ARVCF: variants seen among roughly 807,000 people sequenced by gnomAD.
The protein encoded by ARVCF is ARVCF delta catenin family member.
A neutral mutation model predicts 90.9 loss-of-function variants in ARVCF; 66 were observed. The observed-to-expected ratio is 0.73, with a 90% CI of 0.60 to 0.89. The LOEUF is 0.89. Ranked by LOEUF, ARVCF falls within the 40% of genes least tolerant of loss-of-function variation. The pLI, the probability that ARVCF is intolerant of heterozygous loss-of-function variation, is 0.00. For missense variants in ARVCF, 1,469 were observed against 1,382.3 expected, an observed-to-expected ratio of 1.06 and a Z score of -1.00; for synonymous variants, 653 against 603.4, an observed-to-expected ratio of 1.08 and a Z score of -1.21.
chr22:20,001,651 A>T (rs996859288), intron 2 of ARVCF, among the ~76,000 whole-genome samples: 3 of 152,056 alleles, frequency 2.0e-5, no homozygotes, highest in African/African-American at 7.2e-5. Context: ...TAAAGATACA[A>T]ACAAAATTAG....
chr22:19,968,827 C>A, downstream of ARVCF: 1 of 1,283,916 alleles, frequency 7.8e-7, no homozygotes, highest in East Asian at 2.5e-5. Context: ...CGGCTCCGGG[C>A]TGTGTCCTAA....
chr22:19,987,594 G>C (rs896760332), intron 3 of ARVCF, among the ~76,000 whole-genome samples: 1 of 152,108 alleles, frequency 6.6e-6, no homozygotes, highest in Non-Finnish European at 1.5e-5. Context: ...CAGAGCACAA[G>C]GCCTCCCTCA....
At chr22:19,965,721 G>C (rs1036576239), downstream of ARVCF, 1 of 152,110 alleles carries the variant, frequency 6.6e-6, no homozygotes, top group Admixed American at 6.5e-5. Context: ...TGTGGAGAGG[G>C]CTGTGGGGAG....
rs891630179 is a variant in ARVCF at position 19,970,020 on chromosome 22, C to T, written c.*736G>A. ...TCTTCTGTTTCTGAGTCACGAACAG[C>T]AGGCACTGAAAGCAGTCCCCCAGCC... is the stretch of plus-strand genomic sequence containing the variant. On this transcript the variant is annotated 3_prime_UTR_variant, in exon 20 of 20. Coordinates refer to ENST00000263207, the MANE Select transcript of ARVCF (RefSeq NM_001670.3). The T allele has an allele frequency of 9.1e-6, 9 of 985,646 alleles. No individual in the cohort carries two copies. The highest frequency in any genetic ancestry group is 1.1e-5 in the Non-Finnish European group (9 of 829,934). 61.1% of individuals were successfully genotyped at this position (985,646 alleles called of 1,614,324 possible). A position where few individuals can be genotyped will look rare whatever the true frequency, so the allele number is the denominator to read the frequency against.
chr22:19,978,903 C>A lies in ARVCF; in HGVS notation c.1574G>T (p.Cys525Phe), dbSNP rs765501503. ...CACCAGGTCTGGTCCACACCTCAGGCAGCCCGACGTGTTCTTGAAGACAGT... is the reference window on the plus strand; with the variant it reads ...CACCAGGTCTGGTCCACACCTCAGGAAGCCCGACGTGTTCTTGAAGACAGT... Reference protein sequence around the residue: ...WTTVFKNTSGCLRNVSSDGAE... With the variant: ...WTTVFKNTSGFLRNVSSDGAE... Residue 525 changes from cysteine (C) to phenylalanine (F), a missense_variant, in exon 7 of 20, where the codon TGC (cysteine) becomes TTC (phenylalanine). Physicochemically the swap from Cys to Phe is radical, Grantham distance 205. Transcript: ENST00000263207. 1 of 1,609,916 alleles carries A rather than the reference C, an allele frequency of 6.2e-7. No homozygotes were observed. Among genetic ancestry groups the A allele is most frequent in the Non-Finnish European group, 8.5e-7 (1 of 1,177,800 alleles).
chr22:19,973,888 C>G, intron 12 of ARVCF, 95 bp from the exon 13 acceptor site: 1 of 1,518,160 alleles, frequency 6.6e-7, no homozygotes, highest in Non-Finnish European at 8.8e-7. Context: ...CCTTCCTGCT[C>G]CCGTGCCCGA....
chr22:19,978,476 C>T (rs1354086428), intron 7 of ARVCF, among the ~76,000 whole-genome samples: 2 of 152,216 alleles, frequency 1.3e-5, no homozygotes, highest in Non-Finnish European at 2.9e-5. Context: ...TGCGCGGGAA[C>T]ACCCTGATGG....
At chr22:20,012,411 C>G (rs776851631) in intron 1 of ARVCF, among the ~76,000 whole-genome samples, 2 of 152,204 alleles carry the variant, frequency 1.3e-5, no homozygotes, top group Non-Finnish European at 2.9e-5. Flanking sequence ...GAGCTCTGGG[C>G]AGTGGACGGA....
intron 2 of ARVCF, among the ~76,000 whole-genome samples, chr22:19,995,159 T>C (rs75767932): frequency 0.07 from 10,623 of 151,758 alleles, 495 homozygotes; most frequent in Middle Eastern, 0.1. Context: ...TGAACAAGTG[T>C]GTGGACAGGA....
At chr22:19,975,182 T>C (rs1484549160) in intron 11 of ARVCF, among the ~76,000 whole-genome samples, 1 of 152,084 alleles carries the variant, frequency 6.6e-6, no homozygotes, top group Non-Finnish European at 1.5e-5. Flanking sequence ...ACATGCAGGC[T>C]CTTCCAACTG....
At chr22:19,994,661 T>C (rs1277643722) in intron 2 of ARVCF, among the ~76,000 whole-genome samples, 1 of 35,288 alleles carries the variant, frequency 2.8e-5, no homozygotes, top group Non-Finnish European at 4.9e-5. Flanking sequence ...GATGAATGGA[T>C]GGATGGGTGG....
At chr22:19,970,891 A>T in intron 19 of ARVCF, 148 bp from the exon 20 acceptor site, 1 of 1,115,490 alleles carries the variant, frequency 9.0e-7, no homozygotes, top group Non-Finnish European at 1.2e-6. Flanking sequence ...GGCTGACCCC[A>T]AGGGTCTTGG....
intron 11 of ARVCF, among the ~76,000 whole-genome samples, chr22:19,974,776 C>T (rs1943057362): frequency 6.6e-6 from 1 of 152,062 alleles, no homozygotes; most frequent in Admixed American, 6.6e-5. Context: ...CTCTGTAAGT[C>T]AACTGATGCA....
At chr22:19,986,982 G>A (rs1220971968) in intron 3 of ARVCF, 2 of 633,428 alleles carry the variant, frequency 3.2e-6, no homozygotes, top group Admixed American at 5.1e-5. Flanking sequence ...CGGCTCCGCG[G>A]AACAAAAGCG....
chr22:19,992,535 T>G (rs1944068017), intron 2 of ARVCF, among the ~76,000 whole-genome samples: 1 of 152,072 alleles, frequency 6.6e-6, no homozygotes. Flanking sequence ...GTGGGAATGG[T>G]AGGGTATTCC....
At chr22:19,998,147 C>T (rs973495425) in intron 2 of ARVCF, among the ~76,000 whole-genome samples, 3 of 152,262 alleles carry the variant, frequency 2.0e-5, no homozygotes, top group Non-Finnish European at 2.9e-5. Context: ...AGACAGCTGT[C>T]CACCAGGCTG....
intron 2 of ARVCF, among the ~76,000 whole-genome samples, chr22:19,997,239 G>A (rs1028085020): frequency 1.6e-4 from 25 of 152,166 alleles, no homozygotes; most frequent in Non-Finnish European, 2.9e-4. Flanking sequence ...TCTAGTGGCC[G>A]AACGAGCCCA....
rs1331300125 is a variant in ARVCF, at chr22:19,973,257, G to T, written c.2300C>A (p.Pro767Gln). Residue 767 changes from proline to glutamine, a missense_variant, in exon 14 of 20, where the codon CCG becomes CAG. Transcript: ENST00000263207. Reference sequence around the variant, plus strand: ...GGTGTCTTCCTCCAGGCAGGCCCCCGGTCGCGGCGGAGCCTGTGCATTGCG... The same window carrying T: ...GGTGTCTTCCTCCAGGCAGGCCCCCTGTCGCGGCGGAGCCTGTGCATTGCG... ...NVRNAQAPPRPGACLEEDTVV... is the reference protein window; with the variant it reads ...NVRNAQAPPRQGACLEEDTVV... The T allele has an allele frequency of 1.2e-6, 2 of 1,609,188 alleles. No homozygotes were observed. Among genetic ancestry groups the T allele is most frequent in the Non-Finnish European group, 1.7e-6 (2 of 1,178,850 alleles).
chr22:19,967,310 G>T, downstream of ARVCF: 2 of 927,916 alleles, frequency 2.2e-6, no homozygotes, highest in Non-Finnish European at 3.1e-6. Context: ...CTGGAAGGCA[G>T]CCGCCCTGCT....
Sources: gnomAD v4.1 joint callset for allele counts (sites outside exome capture counted in the v4.1 genomes callset) on GRCh38, gnomAD v4.1.1 for gene constraint, MANE v1.5 for transcripts, NCBI Gene and HGNC (gene_info 2026-07-23, HGNC 2026-07-21) for gene names.